Variants in CDC42BPA observed in about 807,000 individuals in gnomAD.
CDC42BPA encodes the protein serine/threonine-protein kinase MRCK alpha.
Under a neutral mutation model 223.5 loss-of-function variants are expected in CDC42BPA, and 80 were observed. That is an observed-to-expected ratio of 0.36 (90% CI 0.30 to 0.43). The LOEUF is 0.43. Ranked by LOEUF, CDC42BPA falls within the 20% of genes least tolerant of loss-of-function variation. The pLI is 1.00. For missense variants in CDC42BPA, 1,743 were observed against 2,099.9 expected, an observed-to-expected ratio of 0.83 and a Z score of 3.32; for synonymous variants, 694 against 718.6, an observed-to-expected ratio of 0.97 and a Z score of 0.55.
chr1:227,309,084 G>C (rs115645469), intron 1 of CDC42BPA, among the ~76,000 whole-genome samples: 2,360 of 151,960 alleles, frequency 0.016, 37 homozygotes, highest in South Asian at 0.052. Context: ...AAGAAAAAAG[G>C]CCAGGTGCGG....
rs11447987 is a variant in CDC42BPA, at chr1:227,237,045, C to CAAAA, written c.270+17015_270+17018dup. 2.2e-3 allele frequency among the ~76,000 whole-genome samples: 189 copies of CAAAA among 84,038 alleles called. 6 individuals are homozygous for CAAAA. The highest frequency in any genetic ancestry group is 0.01 in the East Asian group (22 of 2,140). 55.1% of individuals were successfully genotyped at this position (84,038 alleles called of 152,430 possible). On this transcript the variant is annotated intron_variant, in intron 2 of 36. Coordinates refer to ENST00000366766, the MANE Select transcript of CDC42BPA (RefSeq NM_001394014.1). ...ATGACAGAATGAGACCCGGTCTCCA[C>CAAAA]AAAAAAAAAAAAAAAAAAAAAGCGT...
At chr1:227,077,830 T>A (rs983271891) in intron 17 of CDC42BPA, among the ~76,000 whole-genome samples, 1 of 152,222 alleles carries the variant, frequency 6.6e-6, no homozygotes, top group East Asian at 1.9e-4. Context: ...TAACTCACAA[T>A]TCAGGAATAC....
intron 21 of CDC42BPA, among the ~76,000 whole-genome samples, chr1:227,055,526 T>C (rs1344108452): frequency 6.6e-6 from 1 of 152,142 alleles, no homozygotes; most frequent in African/African-American, 2.4e-5. Context: ...GCAATGACTC[T>C]GATATAGTAT....
At chr1:226,997,651 T>C (rs1661913646) in intron 35 of CDC42BPA, among the ~76,000 whole-genome samples, 1 of 152,234 alleles carries the variant, frequency 6.6e-6, no homozygotes, top group Admixed American at 6.5e-5. Context: ...GTATGTTGTG[T>C]CTTTGTTCTC....
At chr1:227,124,456 A>G (rs1210561120) in intron 11 of CDC42BPA, among the ~76,000 whole-genome samples, 1 of 152,046 alleles carries the variant, frequency 6.6e-6, no homozygotes, top group Admixed American at 6.6e-5. Context: ...TTGGAGGTAT[A>G]TATTTTTTCT....
intron 21 of CDC42BPA, among the ~76,000 whole-genome samples, chr1:227,053,925 A>G (rs1674037905): frequency 6.6e-6 from 1 of 152,216 alleles, no homozygotes; most frequent in African/African-American, 2.4e-5. Context: ...AAGATTATAC[A>G]CATTGCAAGA....
chr1:227,230,714 T>C (rs1677693150), intron 2 of CDC42BPA, among the ~76,000 whole-genome samples: 1 of 152,126 alleles, frequency 6.6e-6, no homozygotes, highest in African/African-American at 2.4e-5. Flanking sequence ...AATTTTTATC[T>C]ATTGCATCTA....
At chr1:227,053,389 T>C (rs1673933295) in intron 21 of CDC42BPA, among the ~76,000 whole-genome samples, 1 of 152,114 alleles carries the variant, frequency 6.6e-6, no homozygotes, top group Non-Finnish European at 1.5e-5. Context: ...TTTCAGCTAC[T>C]GGATTTGGGA....
intron 6 of CDC42BPA, among the ~76,000 whole-genome samples, chr1:227,159,825 C>CTTTTT (rs1158920718): frequency 6.6e-6 from 1 of 151,336 alleles, no homozygotes; most frequent in Non-Finnish European, 1.5e-5. Context: ...CATGCCCAGC[C>CTTTTT]TTTTTTTTCT....
chr1:227,314,008 T>G, intron 1 of CDC42BPA, among the ~76,000 whole-genome samples: 1 of 152,120 alleles, frequency 6.6e-6, no homozygotes, highest in East Asian at 1.9e-4. Context: ...TAATATTATC[T>G]TACATTTATT....
Position 227,237,705 on chromosome 1 carries a change from A to G in CDC42BPA, c.270+16359T>C, listed in dbSNP as rs115933814. Among the ~76,000 whole-genome samples the G allele has an allele frequency of 2.3e-3, 354 of 152,280 alleles. 4 individuals are homozygous for G. The highest frequency in any genetic ancestry group is 7.7e-3 in the African/African-American group (320 of 41,538). On this transcript the variant is annotated intron_variant, in intron 2 of 36. Transcript: ENST00000366766. ...GAGTTTTAACTTGTTCCACAAATGGACTTTTCCAAATGGTTATCCAGTTGT... is the reference window on the plus strand; with the variant it reads ...GAGTTTTAACTTGTTCCACAAATGGGCTTTTCCAAATGGTTATCCAGTTGT...
intron 1 of CDC42BPA, among the ~76,000 whole-genome samples, chr1:227,293,345 T>C (rs1007169826): frequency 3.3e-5 from 5 of 152,140 alleles, no homozygotes; most frequent in African/African-American, 1.2e-4. Flanking sequence ...GTTTACAGTT[T>C]CTAAAAATTA....
intron 35 of CDC42BPA, among the ~76,000 whole-genome samples, chr1:226,995,978 T>C (rs1661519653): frequency 6.6e-6 from 1 of 152,142 alleles, no homozygotes; most frequent in Non-Finnish European, 1.5e-5. Flanking sequence ...TGTCAAAAAA[T>C]GATAGTTTAA....
chr1:227,174,076 A>T (rs1221682917), intron 5 of CDC42BPA, among the ~76,000 whole-genome samples: 2 of 152,176 alleles, frequency 1.3e-5, no homozygotes, highest in Non-Finnish European at 2.9e-5. Context: ...CTAGTGTAAC[A>T]GTTTTTAACT....
chr1:227,079,455 G>A (rs1680187146), intron 17 of CDC42BPA, among the ~76,000 whole-genome samples: 1 of 152,014 alleles, frequency 6.6e-6, no homozygotes, highest in South Asian at 2.1e-4. Flanking sequence ...TTTTGACTCT[G>A]TCTTCTGAAG....
Position 227,051,903 on chromosome 1 carries a change from G to C in CDC42BPA, c.2987C>G (p.Ser996Cys), listed in dbSNP as rs768175079. The C allele has an allele frequency of 5.1e-6, 7 of 1,366,052 alleles. No homozygotes were observed. The highest frequency in any genetic ancestry group is 9.1e-5 in the East Asian group (2 of 21,996). 84.6% of individuals were successfully genotyped at this position (1,366,052 alleles called of 1,614,324 possible). A position where few individuals can be genotyped will look rare whatever the true frequency, so the allele number is the denominator to read the frequency against. ...CACCTTAACTGGCTCAGCTTCACTA[G>C]ATGTGGAAGGAGATGTGGACCGTGA... ...IQSRSTSPST[S>C]SEAEPVKTVD... Residue 996 changes from serine to cysteine, a missense_variant, in exon 22 of 37, where the codon TCT (serine) becomes TGT (cysteine). Physicochemically the swap from Ser to Cys is moderately radical, Grantham distance 112. Transcript: ENST00000366766.
At chr1:227,051,600 C>A (rs1377075367) in intron 22 of CDC42BPA, among the ~76,000 whole-genome samples, 2 of 152,082 alleles carry the variant, frequency 1.3e-5, no homozygotes, top group Admixed American at 1.3e-4. Context: ...TCTAATAATT[C>A]AAAAATTTAC....
chr1:227,162,252 T>C (rs986169521), intron 5 of CDC42BPA, among the ~76,000 whole-genome samples: 1 of 151,820 alleles, frequency 6.6e-6, no homozygotes, highest in Non-Finnish European at 1.5e-5. Context: ...ATTTTATTCA[T>C]AATACTATAT....
Position 227,317,270 on chromosome 1 carries a change from T to G in CDC42BPA, c.-88A>C. 1 of 1,397,716 alleles carries G rather than the reference T, an allele frequency of 7.2e-7. No individual in the cohort carries two copies. Among genetic ancestry groups the G allele is most frequent in the Non-Finnish European group, 9.8e-7 (1 of 1,025,590 alleles). The allele number at this position is 1,397,716 out of a possible 1,614,324, so 86.6% of individuals were successfully genotyped here. A position where few individuals can be genotyped will look rare whatever the true frequency, so the allele number is the denominator to read the frequency against. ...ACCTAAATTTTAAAAGGTATGGTTT[T>G]AAAAATAAACCACTTGTTATTCAAA... On this transcript the variant is annotated 5_prime_UTR_variant, in exon 1 of 37. Transcript: ENST00000366766.
Sources: allele counts gnomAD v4.1 joint callset (sites outside exome capture counted in the v4.1 genomes callset), GRCh38; gene constraint gnomAD v4.1.1; transcripts MANE v1.5; gene names NCBI Gene and HGNC (gene_info 2026-07-23, HGNC 2026-07-21).